The following ANKRD45 variants were observed in gnomAD, a reference collection of about 807,000 sequenced individuals.
The protein encoded by ANKRD45 is ankyrin repeat domain 45.
Under a neutral mutation model 28.1 loss-of-function variants are expected in ANKRD45, and 21 were observed. That is an observed-to-expected ratio of 0.75 (90% CI 0.53 to 1.08). The LOEUF (loss-of-function observed/expected upper bound fraction) is 1.08, where lower values mean the gene tolerates loss of function less well. Among genes scored for constraint, ANKRD45 ranks in the 50% least tolerant of loss-of-function variants. ANKRD45 has a pLI of 0.00. For synonymous variants in ANKRD45, 86 were observed against 103.9 expected (o/e 0.83, Z 1.05); for missense variants, 261 against 308.7 (o/e 0.85, Z 1.16).
intron 1 of ANKRD45, among the ~76,000 whole-genome samples, chr1:173,665,547 G>A (rs996118191): frequency 6.6e-6 from 1 of 152,082 alleles, no homozygotes; most frequent in Non-Finnish European, 1.5e-5. Context: ...AGCTACTCTT[G>A]TTATACCCTT....
In ANKRD45 at chr1:173,636,811, G is replaced by T. The variant is rs1360746350; in HGVS notation, c.497-9652C>A. The T allele has an allele frequency of 4.0e-6, 6 of 1,517,674 alleles. 1 individual carries two copies. In the South Asian group the frequency reaches 7.2e-5, roughly 18 times the overall value. 94.0% of individuals were successfully genotyped at this position (1,517,674 alleles called of 1,614,324 possible). A position where few individuals can be genotyped will look rare whatever the true frequency, so the allele number is the denominator to read the frequency against. On this transcript the variant is annotated intron_variant, in intron 3 of 5. Transcript: ENST00000333279. The stretch of plus-strand genomic sequence containing the variant: ...GTTTTATGTAGATAAAATCTGTATT[G>T]TTTTTCTCCTTTTAGCTGAAAAAGC...
upstream of ANKRD45, among the ~76,000 whole-genome samples, chr1:173,674,090 C>A (rs1670340020): frequency 1.3e-5 from 2 of 152,198 alleles, no homozygotes; most frequent in South Asian, 4.1e-4. Flanking sequence ...CCCACTGTAG[C>A]CTCATTCTCC....
At chr1:173,646,756 C>T in intron 3 of ANKRD45, 90 bp downstream of exon 3, 1 of 1,322,446 alleles carries the variant, frequency 7.6e-7, no homozygotes, top group East Asian at 2.3e-5. Context: ...ACAAACAAAA[C>T]ACTGTGAAAA....
chr1:173,630,558 A>G (rs2102332236), intron 3 of ANKRD45, among the ~76,000 whole-genome samples: 1 of 151,184 alleles, frequency 6.6e-6, no homozygotes, highest in South Asian at 2.1e-4. Flanking sequence ...ATCAAAAAAC[A>G]TACAACAAAG....
the ANKRD45 span, among the ~76,000 whole-genome samples, chr1:173,693,186 G>A: frequency 3.5e-4 from 53 of 152,132 alleles, no homozygotes; most frequent in South Asian, 0.011. Flanking sequence ...TGTAATCTCA[G>A]CTACTTGGGA....
chr1:173,651,150 G>GTCATGAAGT, intron 2 of ANKRD45, among the ~76,000 whole-genome samples: 1 of 152,240 alleles, frequency 6.6e-6, no homozygotes, highest in East Asian at 1.9e-4. Flanking sequence ...TGGTGTTTTA[G>GTCATGAAGT]TCATGAAGTC....
At chr1:173,662,310 C>T (rs560343435) in intron 1 of ANKRD45, among the ~76,000 whole-genome samples, 39 of 152,190 alleles carry the variant, frequency 2.6e-4, no homozygotes, top group African/African-American at 8.2e-4. Context: ...GGATAATAGT[C>T]GAAAGATCAT....
intron 2 of ANKRD45, among the ~76,000 whole-genome samples, chr1:173,648,430 T>A (rs1050247728): frequency 1.3e-5 from 2 of 152,262 alleles, no homozygotes; most frequent in East Asian, 3.9e-4. Flanking sequence ...ATATACTCAG[T>A]TTTTTCTCGG....
the ANKRD45 span, among the ~76,000 whole-genome samples, chr1:173,700,657 A>C: frequency 1.3e-5 from 2 of 152,204 alleles, no homozygotes; most frequent in Non-Finnish European, 2.9e-5. Flanking sequence ...CTTACACCTT[A>C]TACAAAAATT....
At chr1:173,635,682 G>T in intron 3 of ANKRD45, 1 of 1,535,622 alleles carries the variant, frequency 6.5e-7, no homozygotes. Flanking sequence ...CCATCTCACT[G>T]CCTGCCTTAT....
At chr1:173,712,817 A>T in the ANKRD45 span, among the ~76,000 whole-genome samples, 3 of 152,258 alleles carry the variant, frequency 2.0e-5, no homozygotes, top group Admixed American at 2.0e-4. Context: ...TTAGTGCAGT[A>T]GTTCTCAAAT....
chr1:173,659,339 G>GCTTCTT lies in ANKRD45; in HGVS notation c.74_79dup (p.Glu25_Glu26dup). The GCTTCTT allele has an allele frequency of 6.2e-7, 1 of 1,612,124 alleles. No individual in the cohort carries two copies. Among genetic ancestry groups the GCTTCTT allele is most frequent in the Admixed American group, 1.7e-5 (1 of 59,562 alleles). ...AGGGCCTGTTTCCTCTGGTTCTTGG[G>GCTTCTT]CTTCTTCTTCTTCATTTTCCTCTTC... is the stretch of plus-strand genomic sequence containing the variant. On this transcript the variant is annotated inframe_insertion, in exon 2 of 6. Transcript: ENST00000333279.
chr1:173,642,537 C>G (rs2102352144), intron 3 of ANKRD45, among the ~76,000 whole-genome samples: 1 of 152,330 alleles, frequency 6.6e-6, no homozygotes, highest in Admixed American at 6.5e-5. Flanking sequence ...CTCTTAGAAG[C>G]AAAATTTACT....
intron 5 of ANKRD45, among the ~76,000 whole-genome samples, chr1:173,621,572 T>C (rs937997335): frequency 2.0e-5 from 3 of 152,222 alleles, no homozygotes; most frequent in Non-Finnish European, 4.4e-5. Context: ...ATTATCTCGA[T>C]AGAGAAAGAA....
chr1:173,656,630 A>C (rs1412490489), intron 2 of ANKRD45, among the ~76,000 whole-genome samples: 2 of 152,206 alleles, frequency 1.3e-5, no homozygotes, highest in Admixed American at 1.3e-4. Context: ...CAATTCACAG[A>C]AACTCTGAAA....
chr1:173,608,468 C>G lies in ANKRD45; in HGVS notation c.*1677G>C, dbSNP rs1364165492. ...AAGTCACTGGGATTACAGGCACGTGCCACCACATACAGCTAAATTTTTGTA... is the reference window on the plus strand; with the variant it reads ...AAGTCACTGGGATTACAGGCACGTGGCACCACATACAGCTAAATTTTTGTA... On this transcript the variant is annotated 3_prime_UTR_variant, in exon 6 of 6. Transcript: ENST00000333279. Among the ~76,000 whole-genome samples, 2 of 152,060 alleles carry G rather than the reference C, an allele frequency of 1.3e-5. No individual in the cohort carries two copies. Among genetic ancestry groups the G allele is most frequent in the Non-Finnish European group, 2.9e-5 (2 of 68,022 alleles).
the ANKRD45 span, among the ~76,000 whole-genome samples, chr1:173,683,295 A>G: frequency 0.032 from 4,866 of 152,188 alleles, 115 homozygotes; most frequent in Non-Finnish European, 0.045. Flanking sequence ...GCTCTCTACC[A>G]TCCTAACAGC....
chr1:173,654,064 G>A (rs1225037258), intron 2 of ANKRD45, among the ~76,000 whole-genome samples: 1 of 151,052 alleles, frequency 6.6e-6, no homozygotes, highest in Non-Finnish European at 1.5e-5. Flanking sequence ...TATCCAATTT[G>A]CCAGTCAGTG....
the ANKRD45 span, among the ~76,000 whole-genome samples, chr1:173,705,102 G>A: frequency 6.6e-6 from 1 of 152,128 alleles, no homozygotes; most frequent in Non-Finnish European, 1.5e-5. Flanking sequence ...CTCCCAAAAA[G>A]GACTGACAGC....
Sources: allele counts gnomAD v4.1 joint callset (sites outside exome capture counted in the v4.1 genomes callset), GRCh38; gene constraint gnomAD v4.1.1; transcripts MANE v1.5; gene names NCBI Gene and HGNC (gene_info 2026-07-23, HGNC 2026-07-21).